Variants in SWAP70 observed in about 807,000 individuals in gnomAD.
SWAP70 encodes switch-associated protein 70.
Under a neutral mutation model 80.2 loss-of-function variants are expected in SWAP70, and 34 were observed. The observed-to-expected ratio is 0.42, with a 90% CI of 0.32 to 0.56. The LOEUF (loss-of-function observed/expected upper bound fraction) is 0.56. SWAP70 is among the 20% of genes least tolerant of loss of function. The pLI, the probability that SWAP70 is intolerant of heterozygous loss-of-function variation, is 0.09. For synonymous variants in SWAP70, 239 were observed against 238.5 expected, an observed-to-expected ratio of 1.00 and a Z score of -0.02; for missense variants, 578 against 690.7, an observed-to-expected ratio of 0.84 and a Z score of 1.83.
At chr11:9,748,104 A>G (rs200041506) in intron 10 of SWAP70, 48 bp downstream of exon 10, 2 of 1,561,144 alleles carry the variant, frequency 1.3e-6, no homozygotes, top group East Asian at 2.3e-5. Flanking sequence ...TTTTTGAAAA[A>G]CATTTCTCAA....
chr11:9,745,567 A>G (rs1851501586), intron 9 of SWAP70, among the ~76,000 whole-genome samples: 1 of 152,062 alleles, frequency 6.6e-6, no homozygotes, highest in Admixed American at 6.6e-5. Flanking sequence ...AACCCTATAC[A>G]CTCTTAGGCA....
chr11:9,675,811 G>T (rs1261856576), intron 1 of SWAP70, among the ~76,000 whole-genome samples: 4 of 152,102 alleles, frequency 2.6e-5, no homozygotes, highest in African/African-American at 9.7e-5. Flanking sequence ...TCTGGCTCCA[G>T]TTGTAACTTG....
rs761056487 is a variant in SWAP70, at chr11:9,742,578, G to A, written c.1355+2231G>A. Among the ~76,000 whole-genome samples the A allele has an allele frequency of 3.6e-4, 55 of 152,192 alleles. No individual in the cohort carries two copies. In the Middle Eastern group the frequency reaches 0.01, roughly 28 times the overall value. Reference sequence around the variant, plus strand: ...ACTCCATCTCCTGACCTTGTGATCCGCCTGTCTCGGTCTCCCAAAGTGCTG... The same window carrying A: ...ACTCCATCTCCTGACCTTGTGATCCACCTGTCTCGGTCTCCCAAAGTGCTG... On this transcript the variant is annotated intron_variant, in intron 9 of 11. Transcript: ENST00000318950.
chr11:9,720,428 A>G (rs1851119931), intron 3 of SWAP70: 1 of 985,468 alleles, frequency 1.0e-6, no homozygotes, highest in Non-Finnish European at 1.2e-6. Flanking sequence ...ATAACAAGTC[A>G]TCTGATTTTG....
At position 9,747,851 on chromosome 11, in the gene SWAP70, A is replaced by G; in HGVS notation, c.1356-7A>G. 1.2e-6 allele frequency: 2 copies of G among 1,613,810 alleles called. No individual in the cohort carries two copies. The highest frequency in any genetic ancestry group is 1.3e-5 in the African/African-American group (1 of 75,026). On this transcript the variant is annotated splice_polypyrimidine_tract_variant and splice_region_variant and intron_variant, in intron 9 of 11. Coordinates refer to ENST00000318950, the MANE Select transcript of SWAP70 (RefSeq NM_015055.4). The stretch of plus-strand genomic sequence containing the variant: ...GATTTGATCTGGAGCTTTCCTCCAC[A>G]TTGTAGGTTGTTGGAGGAAGAGTCT...
intron 1 of SWAP70, among the ~76,000 whole-genome samples, chr11:9,673,314 A>C (rs1001907895): frequency 6.6e-6 from 1 of 152,198 alleles, no homozygotes; most frequent in Non-Finnish European, 1.5e-5. Flanking sequence ...GATTTATTAC[A>C]GAATATATTT....
chr11:9,705,480 G>T (rs1198706073), intron 2 of SWAP70, among the ~76,000 whole-genome samples: 2 of 139,810 alleles, frequency 1.4e-5, no homozygotes, highest in Non-Finnish European at 3.0e-5. Context: ...TTGGTGATCT[G>T]TATACACTGG....
intron 1 of SWAP70, among the ~76,000 whole-genome samples, chr11:9,680,273 G>T (rs578019223): frequency 2.0e-5 from 3 of 152,130 alleles, no homozygotes; most frequent in Non-Finnish European, 1.5e-5. Flanking sequence ...ACTCTAAGCC[G>T]TGCCATCCAG....
At chr11:9,668,799 CT>C (rs1211015568) in intron 1 of SWAP70, among the ~76,000 whole-genome samples, 5 of 152,154 alleles carry the variant, frequency 3.3e-5, no homozygotes. Flanking sequence ...ATTTTTGATA[CT>C]TGCCTTTTTG....
chr11:9,706,289 G>A (rs1182958069), intron 2 of SWAP70, among the ~76,000 whole-genome samples: 2 of 124,846 alleles, frequency 1.6e-5, no homozygotes, highest in Non-Finnish European at 3.3e-5. Flanking sequence ...GTGTATACTT[G>A]GTGATCTGTA....
chr11:9,694,746 A>G (rs1284951945), intron 2 of SWAP70, among the ~76,000 whole-genome samples: 6 of 152,226 alleles, frequency 3.9e-5, no homozygotes, highest in African/African-American at 1.4e-4. Flanking sequence ...TACAAATCAA[A>G]ACCACAATGA....
rs1442918550 is a variant in SWAP70 at position 9,671,581 on chromosome 11, TA to T, written c.99+7304del. Among the ~76,000 whole-genome samples the T allele has an allele frequency of 8.6e-5, 5 of 57,824 alleles. No homozygotes were observed. In the East Asian group the frequency reaches 1.3e-3, roughly 15 times the overall value. The allele number at this position is 57,824 out of a possible 152,430, so 37.9% of individuals were successfully genotyped here. A position where few individuals can be genotyped will look rare whatever the true frequency, so the allele number is the denominator to read the frequency against. Reference sequence around the variant, plus strand: ...ATATAAATATATTTATATAGAAATATATTTCTATATATAAATATATTTATAT... The same window carrying T: ...ATATAAATATATTTATATAGAAATATTTTCTATATATAAATATATTTATAT... On this transcript the variant is annotated intron_variant, in intron 1 of 11. Transcript: ENST00000318950.
intron 2 of SWAP70, among the ~76,000 whole-genome samples, chr11:9,702,521 C>T (rs1055581890): frequency 6.6e-6 from 1 of 151,994 alleles, no homozygotes; most frequent in South Asian, 2.1e-4. Flanking sequence ...AAGAGATCCT[C>T]CCACCTTAGC....
chr11:9,666,813 C>T (rs564482708), intron 1 of SWAP70, among the ~76,000 whole-genome samples: 3 of 147,946 alleles, frequency 2.0e-5, no homozygotes, highest in African/African-American at 5.0e-5. Context: ...CAACCTCTGC[C>T]TCCCGGGTTC....
At chr11:9,721,554 C>A (rs1208844066) in intron 3 of SWAP70, among the ~76,000 whole-genome samples, 1 of 151,098 alleles carries the variant, frequency 6.6e-6, no homozygotes, top group Non-Finnish European at 1.5e-5. Flanking sequence ...TCACTGTAAC[C>A]TCAAACTCCT....
rs191041368 is a variant in SWAP70 at position 9,684,732 on chromosome 11, A to G, written c.100-9414A>G. ...AAAATTCTTCTAGAAACATGGTAGT[A>G]TAGTAAAATAAATGCAAAGACCCAG... On this transcript the variant is annotated intron_variant, in intron 1 of 11. Coordinates refer to ENST00000318950, the MANE Select transcript of SWAP70 (RefSeq NM_015055.4). 3.2e-4 allele frequency among the ~76,000 whole-genome samples: 49 copies of G among 152,332 alleles called. No homozygotes were observed. In the East Asian group the frequency reaches 8.3e-3, roughly 26 times the overall value.
At chr11:9,688,231 T>A (rs12576997) in intron 1 of SWAP70, among the ~76,000 whole-genome samples, 16,538 of 152,260 alleles carry the variant, frequency 0.11, 1,739 homozygotes, top group African/African-American at 0.27. Flanking sequence ...CTGGGCAGCA[T>A]GCCAGGTGCC....
intron 2 of SWAP70, 39 bp from the exon 3 acceptor site, chr11:9,713,427 C>G: frequency 6.3e-7 from 1 of 1,582,804 alleles, no homozygotes; most frequent in Non-Finnish European, 8.6e-7. Flanking sequence ...CTGCTTATAT[C>G]GGACTGATTT....
chr11:9,693,536 T>A (rs562072825), intron 1 of SWAP70, among the ~76,000 whole-genome samples: 14 of 152,212 alleles, frequency 9.2e-5, no homozygotes, highest in Non-Finnish European at 1.9e-4. Context: ...TATATTTATA[T>A]TCTTTTATAC....
Sources: gnomAD v4.1 joint callset for allele counts (sites outside exome capture counted in the v4.1 genomes callset) on GRCh38, gnomAD v4.1.1 for gene constraint, MANE v1.5 for transcripts, NCBI Gene and HGNC (gene_info 2026-07-23, HGNC 2026-07-21) for gene names.